The following CAMKMT variants were observed in gnomAD, a reference collection of about 807,000 sequenced individuals.
CAMKMT encodes the protein CaM KMT.
Under a neutral mutation model 48.0 loss-of-function variants are expected in CAMKMT, and 53 were observed. That is an observed-to-expected ratio of 1.10 (90% CI 0.89 to 1.39). The LOEUF (loss-of-function observed/expected upper bound fraction) is 1.39. CAMKMT is among the 40% of genes most tolerant of loss of function. The probability of loss-of-function intolerance (pLI) is 0.00; values close to 1 mark genes in which losing one functional copy is unlikely to be tolerated. For synonymous variants in CAMKMT, 165 were observed against 152.3 expected (o/e 1.08, Z -0.61); for missense variants, 428 against 402.7 (o/e 1.06, Z -0.54).
chr2:44,720,571 T>C (rs1648990142), intron 7 of CAMKMT, among the ~76,000 whole-genome samples: 1 of 152,194 alleles, frequency 6.6e-6, no homozygotes. Context: ...GATAAATCAT[T>C]GTTAAACAAT....
chr2:44,646,615 G>A (rs1673748219), intron 3 of CAMKMT, among the ~76,000 whole-genome samples: 1 of 152,114 alleles, frequency 6.6e-6, no homozygotes. Context: ...TGCCCAGCCT[G>A]TTCTTTAAGC....
At chr2:44,488,897 T>C (rs1669346292) in intron 3 of CAMKMT, among the ~76,000 whole-genome samples, 1 of 149,252 alleles carries the variant, frequency 6.7e-6, no homozygotes. Flanking sequence ...ATGGAGTCCC[T>C]TTCCATTGCC....
intron 7 of CAMKMT, among the ~76,000 whole-genome samples, chr2:44,732,411 T>C (rs545337732): frequency 6.6e-6 from 1 of 152,382 alleles, no homozygotes; most frequent in East Asian, 1.9e-4. Context: ...TTTACTTTGG[T>C]GTCAGTGTAA....
intron 3 of CAMKMT, chr2:44,393,289 T>G (rs1158404634): frequency 1.3e-5 from 2 of 152,162 alleles, no homozygotes; most frequent in Non-Finnish European, 2.9e-5. Flanking sequence ...TGTATAGAAG[T>G]TTTGTGGTTT....
intron 3 of CAMKMT, among the ~76,000 whole-genome samples, chr2:44,637,649 C>A (rs1558762360): frequency 1.3e-5 from 2 of 152,040 alleles, no homozygotes; most frequent in South Asian, 4.2e-4. Flanking sequence ...AAAGGTGAAC[C>A]TCTCCCTATG....
chr2:44,729,939 A>G (rs1425885296), intron 7 of CAMKMT, among the ~76,000 whole-genome samples: 1 of 152,178 alleles, frequency 6.6e-6, no homozygotes, highest in Admixed American at 6.5e-5. Context: ...TCAACAGACT[A>G]TCTAAGAATT....
chr2:44,567,386 A>C (rs1398502902), intron 3 of CAMKMT, among the ~76,000 whole-genome samples: 1 of 152,194 alleles, frequency 6.6e-6, no homozygotes, highest in Non-Finnish European at 1.5e-5. Flanking sequence ...TTGAGCAGGA[A>C]TACTCATATT....
At chr2:44,531,627 A>G (rs1023902739) in intron 3 of CAMKMT, among the ~76,000 whole-genome samples, 4 of 152,190 alleles carry the variant, frequency 2.6e-5, no homozygotes, top group African/African-American at 9.6e-5. Context: ...CCACTTTATG[A>G]TTATTGTTTG....
intron 3 of CAMKMT, among the ~76,000 whole-genome samples, chr2:44,624,320 TTTTA>T (rs945586702): frequency 1.3e-5 from 2 of 152,058 alleles, no homozygotes; most frequent in Admixed American, 6.6e-5. Context: ...CTATTTCAAA[TTTTA>T]TTTGTCTTTT....
At chr2:44,380,880 G>A (rs752283612) in intron 2 of CAMKMT, among the ~76,000 whole-genome samples, 8 of 151,946 alleles carry the variant, frequency 5.3e-5, no homozygotes, top group Non-Finnish European at 1.0e-4. Flanking sequence ...TAATGCTTTC[G>A]GCCGGGCATG....
chr2:44,595,543 T>G (rs1178064348), intron 3 of CAMKMT, among the ~76,000 whole-genome samples: 1 of 152,152 alleles, frequency 6.6e-6, no homozygotes, highest in East Asian at 1.9e-4. Flanking sequence ...ATAGGAAGAA[T>G]CAATATTGTG....
At chr2:44,549,577 C>T in intron 3 of CAMKMT, 6 of 692,386 alleles carry the variant, frequency 8.7e-6, no homozygotes, top group Non-Finnish European at 1.6e-5. Flanking sequence ...ACTCTGTTGC[C>T]CAGGCTGGAG....
chr2:44,540,726 G>A (rs1238372382), intron 3 of CAMKMT, among the ~76,000 whole-genome samples: 1 of 152,174 alleles, frequency 6.6e-6, no homozygotes, highest in Non-Finnish European at 1.5e-5. Context: ...ACTCCAGCCT[G>A]GGCAACACAG....
intron 3 of CAMKMT, among the ~76,000 whole-genome samples, chr2:44,672,384 C>T (rs1194032794): frequency 1.3e-5 from 2 of 151,770 alleles, no homozygotes; most frequent in African/African-American, 2.4e-5. Flanking sequence ...TTCTAGTTTT[C>T]GTGGCTAAAA....
chr2:44,668,670 A>G (rs1288373371), intron 3 of CAMKMT, among the ~76,000 whole-genome samples: 6 of 152,184 alleles, frequency 3.9e-5, no homozygotes, highest in Non-Finnish European at 7.3e-5. Context: ...GTAGAATATT[A>G]CCAATGTTTT....
At chr2:44,383,258 A>T (rs1031533569) in intron 2 of CAMKMT, among the ~76,000 whole-genome samples, 1 of 151,640 alleles carries the variant, frequency 6.6e-6, no homozygotes, top group African/African-American at 2.4e-5. Context: ...TTCACCTCCC[A>T]GGTTCAAGCA....
chr2:44,463,912 TC>T (rs1157818252), intron 3 of CAMKMT, among the ~76,000 whole-genome samples: 1 of 151,588 alleles, frequency 6.6e-6, no homozygotes, highest in Non-Finnish European at 1.5e-5. Flanking sequence ...AATGCAAAAA[TC>T]ACAACAAAAA....
At chr2:44,447,949 A>G (rs1667092950) in intron 3 of CAMKMT, among the ~76,000 whole-genome samples, 2 of 152,302 alleles carry the variant, frequency 1.3e-5, no homozygotes, top group South Asian at 4.1e-4. Flanking sequence ...TATAAAATGC[A>G]TTCTATTGTT....
At chr2:44,741,975 C>CT (rs562574513) in intron 7 of CAMKMT, among the ~76,000 whole-genome samples, 37 of 151,294 alleles carry the variant, frequency 2.4e-4, no homozygotes, top group Non-Finnish European at 4.3e-4. Flanking sequence ...ATACTTTAAT[C>CT]TTTTTTTTTC....
Sources: gnomAD v4.1 joint callset for allele counts (sites outside exome capture counted in the v4.1 genomes callset) on GRCh38, gnomAD v4.1.1 for gene constraint, MANE v1.5 for transcripts, NCBI Gene and HGNC (gene_info 2026-07-23, HGNC 2026-07-21) for gene names.